Variants in CES3 observed in about 807,000 individuals in gnomAD.
CES3 encodes carboxylesterase 3, also known as carboxylesterase 3 (brain).
Under a neutral mutation model 57.6 loss-of-function variants are expected in CES3, and 49 were observed. The ratio of observed to expected loss-of-function variants is 0.85; its 90% confidence interval spans 0.68 to 1.08. The LOEUF is 1.08. Ranked by LOEUF, CES3 falls within the 50% of genes least tolerant of loss-of-function variation. CES3 has a pLI of 0.00. For missense variants in CES3, 645 were observed against 742.0 expected, an observed-to-expected ratio of 0.87 and a Z score of 1.52; for synonymous variants, 266 against 281.6, an observed-to-expected ratio of 0.94 and a Z score of 0.55.
intron 9 of CES3, 100 bp from the exon 10 acceptor site, chr16:66,971,071 TG>T: frequency 7.4e-7 from 1 of 1,355,450 alleles, no homozygotes; most frequent in Non-Finnish European, 1.0e-6. Context: ...CCATCAGCCC[TG>T]GGATTTGAGG....
Position 66,966,609 on chromosome 16 carries a change from C to T in CES3, c.922-116C>T, listed in dbSNP as rs183635531. The T allele has an allele frequency of 5.3e-6, 7 of 1,332,648 alleles. No individual in the cohort carries two copies. In the South Asian group the frequency reaches 9.0e-5, roughly 17 times the overall value. 82.6% of individuals were successfully genotyped at this position (1,332,648 alleles called of 1,614,324 possible). ...CCCCTTAACCCTGGTGATCTTCATC[C>T]CTTCACTTTCCCTCCAGGCTCAGAC... On this transcript the variant is annotated intron_variant, in intron 7 of 12. Coordinates refer to ENST00000303334, the MANE Select transcript of CES3 (RefSeq NM_024922.6).
chr16:66,967,060 C>CTT (rs201867581), intron 8 of CES3, among the ~76,000 whole-genome samples, 195 bp downstream of exon 8: 3 of 148,528 alleles, frequency 2.0e-5, no homozygotes, highest in South Asian at 4.3e-4. Context: ...TGTTGTTTTG[C>CTT]TTTTTTTTTT....
chr16:66,965,014 A>G (rs1246672510), intron 6 of CES3, among the ~76,000 whole-genome samples: 1 of 152,104 alleles, frequency 6.6e-6, no homozygotes, highest in Non-Finnish European at 1.5e-5. Context: ...AGCATGGTGG[A>G]GGGGGTCTCC....
intron 5 of CES3, 49 bp from the exon 6 acceptor site, chr16:66,964,574 G>A (rs1398957431): frequency 1.9e-6 from 3 of 1,611,566 alleles, no homozygotes; most frequent in Non-Finnish European, 2.5e-6. Context: ...AGAACTCCCA[G>A]CTCCTCTGCC....
chr16:66,962,822 G>A (rs960564927), intron 1 of CES3, among the ~76,000 whole-genome samples: 1 of 152,178 alleles, frequency 6.6e-6, no homozygotes, highest in Non-Finnish European at 1.5e-5. Flanking sequence ...GCTTGAACTC[G>A]GGAGTCAGAG....
chr16:66,965,081 A>T (rs1388280552), intron 6 of CES3, among the ~76,000 whole-genome samples: 4 of 152,196 alleles, frequency 2.6e-5, no homozygotes, highest in African/African-American at 9.6e-5. Flanking sequence ...TCCCCACCCT[A>T]GATCCTCATT....
rs1963894638 is a variant in CES3 at position 66,974,187 on chromosome 16, G to A, written c.*1138G>A. The A allele has an allele frequency of 6.5e-6, 1 of 152,890 alleles. No individual in the cohort carries two copies. Among genetic ancestry groups the A allele is most frequent in the African/African-American group, 2.4e-5 (1 of 41,478 alleles). 9.5% of individuals were successfully genotyped at this position (152,890 alleles called of 1,614,324 possible). On this transcript the variant is annotated 3_prime_UTR_variant, in exon 13 of 13. Coordinates refer to ENST00000303334, the MANE Select transcript of CES3 (RefSeq NM_024922.6). ...GGGCTCCCACTTTGGCAGCACTTGA[G>A]GAGCCCTTCAACCCGCCGCTGCACT...
intron 11 of CES3, 68 bp from the exon 12 acceptor site, chr16:66,972,600 G>C (rs1055851236): frequency 1.2e-6 from 2 of 1,612,336 alleles, no homozygotes; most frequent in Admixed American, 3.3e-5. Flanking sequence ...AGTCAGCACT[G>C]AGGATCCTTG....
In CES3 at chr16:66,962,657, G is replaced by A. The variant is rs568002797; in HGVS notation, c.83-522G>A. ...CATGCCTGTAATGCCAGCACTTTGG[G>A]AGCCCCAGGTGGATGGATTACTTGA... is the stretch of plus-strand genomic sequence containing the variant. On this transcript the variant is annotated intron_variant, in intron 1 of 12. Coordinates refer to ENST00000303334, the MANE Select transcript of CES3 (RefSeq NM_024922.6). 4.6e-5 allele frequency among the ~76,000 whole-genome samples: 7 copies of A among 152,332 alleles called. No individual in the cohort carries two copies. In the South Asian group the frequency reaches 1.4e-3, roughly 32 times the overall value.
intron 8 of CES3, 42 bp from the exon 9 acceptor site, chr16:66,969,637 C>T (rs755170814): frequency 1.3e-5 from 21 of 1,583,300 alleles, no homozygotes; most frequent in African/African-American, 9.4e-5. Flanking sequence ...CGGGGTGAGC[C>T]GGTGGTCAGG....
Position 66,973,325 on chromosome 16 carries a change from A to G in CES3, c.*276A>G, listed in dbSNP as rs1597025892. On this transcript the variant is annotated 3_prime_UTR_variant, in exon 13 of 13. Transcript: ENST00000303334. ...ATTCCTCTAGCTTCCTGGAGGACTC[A>G]CTCCCCCAGGAAGCCTTCCCTGCCT... 5.8e-6 allele frequency: 2 copies of G among 347,370 alleles called. No individual in the cohort carries two copies. The highest frequency in any genetic ancestry group is 1.1e-5 in the Non-Finnish European group (2 of 187,126). The allele number at this position is 347,370 out of a possible 1,614,324, so 21.5% of individuals were successfully genotyped here.
intron 8 of CES3, among the ~76,000 whole-genome samples, chr16:66,968,513 T>C (rs1283264892): frequency 3.3e-5 from 5 of 152,170 alleles, no homozygotes; most frequent in Admixed American, 2.0e-4. Context: ...GCAGTGAATG[T>C]CTTCATGTCC....
intron 8 of CES3, among the ~76,000 whole-genome samples, chr16:66,968,877 A>G (rs778351090): frequency 4.6e-5 from 7 of 151,746 alleles, no homozygotes; most frequent in Admixed American, 3.3e-4. Flanking sequence ...CTGTCCCACT[A>G]TACTCCAGCC....
intron 12 of CES3, 30 bp from the exon 13 acceptor site, chr16:66,972,824 C>T: frequency 1.2e-6 from 2 of 1,613,854 alleles, no homozygotes; most frequent in Non-Finnish European, 1.7e-6. Flanking sequence ...GCACAGGAAG[C>T]CTTGGTCCTC....
intron 8 of CES3, among the ~76,000 whole-genome samples, chr16:66,968,222 C>G (rs571517772): frequency 6.6e-6 from 1 of 152,138 alleles, no homozygotes; most frequent in Non-Finnish European, 1.5e-5. Context: ...TGCAATGGCG[C>G]GATCTTAGCT....
At chr16:66,970,519 G>T (rs1460861068) in intron 9 of CES3, among the ~76,000 whole-genome samples, 1 of 152,228 alleles carries the variant, frequency 6.6e-6, no homozygotes, top group Non-Finnish European at 1.5e-5. Context: ...AGCCAGTTTT[G>T]TCTGACCCTA....
At position 66,963,166 on chromosome 16, in the gene CES3, G is replaced by A; in HGVS notation, c.83-13G>A. ...TGCAAACTCACCCCGTGGCCTTTCT[G>A]TCCTTCCCTCAGGGCCCGAAGTTGC... is the stretch of plus-strand genomic sequence containing the variant. On this transcript the variant is annotated splice_polypyrimidine_tract_variant and intron_variant, in intron 1 of 12. Coordinates refer to ENST00000303334, the MANE Select transcript of CES3 (RefSeq NM_024922.6). The surrounding 1 kb of genome is among the most constrained non-coding windows in gnomAD (Gnocchi z 4.9). The A allele has an allele frequency of 6.2e-7, 1 of 1,614,190 alleles. No individual in the cohort carries two copies. The highest frequency in any genetic ancestry group is 8.5e-7 in the Non-Finnish European group (1 of 1,179,998).
Position 66,966,284 on chromosome 16 carries a change from C to T in CES3, c.860C>T (p.Ala287Val), listed in dbSNP as rs1247286962. 6.2e-7 allele frequency: 1 copy of T among 1,613,640 alleles called. No homozygotes were observed. The highest frequency in any genetic ancestry group is 2.2e-5 in the East Asian group (1 of 44,866). The change falls in exon 7 of 13, where the codon GCT (alanine) becomes GTT (valine). Residue 287 changes from alanine (A) to valine (V), a missense_variant. Coordinates refer to ENST00000303334, the MANE Select transcript of CES3 (RefSeq NM_024922.6). Reference sequence around the variant, plus strand: ...TTGGCCTGCAGCTCCAGCTCCCCGGCTGAGATGGTGCAGTGCCTTCAGCAG... The same window carrying T: ...TTGGCCTGCAGCTCCAGCTCCCCGGTTGAGATGGTGCAGTGCCTTCAGCAG... ...NTLACSSSSP[A>V]EMVQCLQQKE...
chr16:66,972,553 A>T (rs747114025), intron 11 of CES3, 48 bp downstream of exon 11: 1 of 1,605,760 alleles, frequency 6.2e-7, no homozygotes, highest in Admixed American at 1.7e-5. Flanking sequence ...CCAGACTCCA[A>T]GGGGCCTGGG....
Sources: gnomAD v4.1 joint callset for allele counts (sites outside exome capture counted in the v4.1 genomes callset) on GRCh38, gnomAD v4.1.1 for gene constraint, Gnocchi (gnomAD v3.1) non-coding constraint, MANE v1.5 for transcripts, NCBI Gene and HGNC (gene_info 2026-07-23, HGNC 2026-07-21) for gene names.